DLGAP2: variants seen among roughly 807,000 people sequenced by gnomAD.
DLGAP2 encodes DLG associated protein 2.
DLGAP2 carries 26 observed loss-of-function variants against 100.3 expected under a neutral mutation model. The observed-to-expected ratio is 0.26, with a 90% confidence interval of 0.19 to 0.36. DLGAP2 has a LOEUF of 0.36. Ranked by LOEUF, DLGAP2 falls within the 10% of genes least tolerant of loss-of-function variation. DLGAP2 has a pLI of 1.00. For missense variants in DLGAP2, 1,858 were observed against 1,453.2 expected, an observed-to-expected ratio of 1.28 and a Z score of -4.53; for synonymous variants, 886 against 630.1, an observed-to-expected ratio of 1.41 and a Z score of -6.08.
Position 934,324 on chromosome 8 carries a change from C to A in DLGAP2, c.73+26358C>A, listed in dbSNP as rs1377677697. On this transcript the variant is annotated intron_variant, in intron 2 of 14. Coordinates refer to ENST00000637795, the MANE Select transcript of DLGAP2 (RefSeq NM_001346810.2). ...GCACGAGGGGAGGGTGAGGGCAGAG[C>A]CTGCTGTGGAGACACCTGGCCGTGG... is the stretch of plus-strand genomic sequence containing the variant. Among the ~76,000 whole-genome samples the A allele has an allele frequency of 6.6e-5, 9 of 136,148 alleles. No individual in the cohort carries two copies. The East Asian group carries it at 1.1e-3, about 17-fold the overall frequency. The allele number at this position is 136,148 out of a possible 152,430, so 89.3% of individuals were successfully genotyped here.
At chr8:1,685,505 GAATC>G (rs1325063421) in intron 12 of DLGAP2, among the ~76,000 whole-genome samples, 1 of 152,184 alleles carries the variant, frequency 6.6e-6, no homozygotes, top group Non-Finnish European at 1.5e-5. Flanking sequence ...CAGACTAAGA[GAATC>G]AACCCACTGA....
At chr8:934,910 C>T (rs1250513314) in intron 2 of DLGAP2, among the ~76,000 whole-genome samples, 1 of 152,178 alleles carries the variant, frequency 6.6e-6, no homozygotes. Context: ...TCAGCTCTGC[C>T]TCTTTAAAGT....
intron 1 of DLGAP2, among the ~76,000 whole-genome samples, chr8:848,261 G>A (rs1281063509): frequency 6.6e-6 from 1 of 151,880 alleles, no homozygotes; most frequent in Non-Finnish European, 1.5e-5. Flanking sequence ...TAGTATTCCA[G>A]TATAGGATCG....
At chr8:754,363 A>G (rs1820866227) in intron 1 of DLGAP2, 1 of 152,180 alleles carries the variant, frequency 6.6e-6, no homozygotes, top group African/African-American at 2.4e-5. Context: ...CTTCCTAAAA[A>G]ATCCAGGACT....
At chr8:1,409,263 CA>C (rs2129870360) in intron 3 of DLGAP2, among the ~76,000 whole-genome samples, 1 of 151,298 alleles carries the variant, frequency 6.6e-6, no homozygotes, top group South Asian at 2.1e-4. Flanking sequence ...GCCCTGAGCA[CA>C]GAATTGTCTA....
chr8:1,425,779 C>T lies in DLGAP2; in HGVS notation c.107-75587C>T, dbSNP rs140077344. 1.2e-3 allele frequency among the ~76,000 whole-genome samples: 190 copies of T among 152,268 alleles called. 2 individuals carry two copies. The highest frequency in any genetic ancestry group is 4.2e-3 in the African/African-American group (173 of 41,542). Reference sequence around the variant, plus strand: ...TAAAAAAATAAACCCACAGCAAAGCCGCTGCAGGATGAGCCCAGGGGATGT... The same window carrying T: ...TAAAAAAATAAACCCACAGCAAAGCTGCTGCAGGATGAGCCCAGGGGATGT... On this transcript the variant is annotated intron_variant, in intron 3 of 14. Transcript: ENST00000637795.
Position 1,701,461 on chromosome 8 carries a change from A to C in DLGAP2, c.*55A>C, listed in dbSNP as rs1470672714. On this transcript the variant is annotated 3_prime_UTR_variant, in exon 15 of 15. Transcript: ENST00000637795. ...CTTCCGCTTTCCCGGACGCTTGTGC[A>C]GCGCGGCGCCGCCCTGGTGGTTTCT... The C allele has an allele frequency of 2.6e-6, 4 of 1,511,776 alleles. No homozygotes were observed. Among genetic ancestry groups the C allele is most frequent in the Non-Finnish European group, 3.6e-6 (4 of 1,125,014 alleles). 93.6% of individuals were successfully genotyped at this position (1,511,776 alleles called of 1,614,324 possible).
At chr8:1,082,835 C>T (rs929986118) in intron 2 of DLGAP2, among the ~76,000 whole-genome samples, 3 of 152,166 alleles carry the variant, frequency 2.0e-5, no homozygotes, top group Non-Finnish European at 4.4e-5. Context: ...TCAAGATAGG[C>T]TATTTCCGAA....
chr8:1,360,730 C>T lies in DLGAP2; in HGVS notation c.106+101847C>T, dbSNP rs78753657. Among the ~76,000 whole-genome samples, 891 of 152,238 alleles carry T rather than the reference C, an allele frequency of 5.9e-3. 6 individuals are homozygous for T. The highest frequency in any genetic ancestry group is 0.02 in the African/African-American group (821 of 41,546). On this transcript the variant is annotated intron_variant, in intron 3 of 14. Coordinates refer to ENST00000637795, the MANE Select transcript of DLGAP2 (RefSeq NM_001346810.2). ...ATGGAGATCGGTGGCCTCGTTCTTCCGGTAGCTTCCAAACTCCTGTTTGAT... is the reference window on the plus strand; with the variant it reads ...ATGGAGATCGGTGGCCTCGTTCTTCTGGTAGCTTCCAAACTCCTGTTTGAT...
chr8:1,418,240 A>C (rs12335192), intron 3 of DLGAP2, among the ~76,000 whole-genome samples: 63,684 of 152,036 alleles, frequency 0.42, 13,442 homozygotes, highest in East Asian at 0.54. Context: ...ACATTTAAGA[A>C]ATGGATATTG....
At position 1,132,560 on chromosome 8, in the gene DLGAP2, G is replaced by T. The variant is rs558428281; in HGVS notation, c.74-126291G>T. On this transcript the variant is annotated intron_variant, in intron 2 of 14. Transcript: ENST00000637795. ...ACTGTAGCATATATGTGTACACCTT[G>T]ATATAGAACTGAGCTGGCATGCACT... Among the ~76,000 whole-genome samples, 9 of 152,348 alleles carry T rather than the reference G, an allele frequency of 5.9e-5. No homozygotes were observed. In the East Asian group the frequency reaches 1.7e-3, roughly 29 times the overall value.
intron 2 of DLGAP2, among the ~76,000 whole-genome samples, chr8:1,058,749 A>G (rs1434511090): frequency 6.6e-6 from 1 of 152,246 alleles, no homozygotes; most frequent in Non-Finnish European, 1.5e-5. Flanking sequence ...TGGACAAGCT[A>G]CAAAGATCAA....
rs900395458 is a variant in DLGAP2, at chr8:870,212, G to A, written c.19-37700G>A. ...TGTGGATATTTTCCAAAGTTTTCTCGCCGATATTTCTCCTGACAGGATCCC... is the reference window on the plus strand; with the variant it reads ...TGTGGATATTTTCCAAAGTTTTCTCACCGATATTTCTCCTGACAGGATCCC... On this transcript the variant is annotated intron_variant, in intron 1 of 14. Coordinates refer to ENST00000637795, the MANE Select transcript of DLGAP2 (RefSeq NM_001346810.2). 5.3e-5 allele frequency among the ~76,000 whole-genome samples: 8 copies of A among 151,990 alleles called. No homozygotes were observed. In the South Asian group the frequency reaches 8.3e-4, roughly 16 times the overall value.
intron 4 of DLGAP2, among the ~76,000 whole-genome samples, chr8:1,534,981 T>C (rs1390776723): frequency 6.6e-6 from 1 of 152,224 alleles, no homozygotes; most frequent in Admixed American, 6.5e-5. Flanking sequence ...GCCTTTTGAC[T>C]CCATTTGCCA....
At chr8:1,024,508 G>A (rs989050109) in intron 2 of DLGAP2, among the ~76,000 whole-genome samples, 3 of 152,162 alleles carry the variant, frequency 2.0e-5, no homozygotes, top group Non-Finnish European at 4.4e-5. Context: ...TGCCAAGGTA[G>A]TGCCTGCACC....
At chr8:1,338,321 G>A (rs888458557) in intron 3 of DLGAP2, among the ~76,000 whole-genome samples, 26 of 152,304 alleles carry the variant, frequency 1.7e-4, no homozygotes, top group African/African-American at 5.8e-4. Flanking sequence ...TAAAGTGCAG[G>A]CCACACGTAT....
intron 2 of DLGAP2, among the ~76,000 whole-genome samples, chr8:1,216,736 C>G (rs1029391259): frequency 6.6e-6 from 1 of 152,150 alleles, no homozygotes; most frequent in Non-Finnish European, 1.5e-5. Flanking sequence ...TCTCTCATAA[C>G]TGTTCATACA....
intron 1 of DLGAP2, among the ~76,000 whole-genome samples, chr8:818,078 C>G (rs1027027745): frequency 6.6e-6 from 1 of 152,056 alleles, no homozygotes; most frequent in East Asian, 1.9e-4. Context: ...ATTATGACCT[C>G]TGTTTCAGGT....
intron 3 of DLGAP2, among the ~76,000 whole-genome samples, chr8:1,316,296 G>T (rs1800746582): frequency 7.3e-6 from 1 of 136,204 alleles, no homozygotes; most frequent in Admixed American, 7.5e-5. Flanking sequence ...CTCTCCAACA[G>T]TGGTCTACAC....
Sources: allele counts gnomAD v4.1 joint callset (sites outside exome capture counted in the v4.1 genomes callset), GRCh38; gene constraint gnomAD v4.1.1; transcripts MANE v1.5; gene names NCBI Gene and HGNC (gene_info 2026-07-23, HGNC 2026-07-21).